The following RGS6 variants were observed in gnomAD, a reference collection of about 807,000 sequenced individuals.
RGS6 encodes regulator of G protein signaling 6, also known as regulator of G-protein signaling 6.
RGS6 carries 30 observed loss-of-function variants against 78.5 expected under a neutral mutation model. The ratio of observed to expected loss-of-function variants is 0.38; its 90% CI spans 0.29 to 0.52. The LOEUF is 0.52. RGS6 is among the 20% of genes least tolerant of loss of function. The pLI is 0.85. For missense variants in RGS6, 495 were observed against 609.7 expected (o/e 0.81, Z 1.98); for synonymous variants, 206 against 206.0 (o/e 1.00, Z 0.00).
At chr14:72,096,727 A>G (rs1253816838) in intron 2 of RGS6, among the ~76,000 whole-genome samples, 1 of 152,126 alleles carries the variant, frequency 6.6e-6, no homozygotes, top group Admixed American at 6.5e-5. Flanking sequence ...GAAGTTTCCA[A>G]GAGACCAGGG....
chr14:71,968,138 C>T (rs1204647758), intron 2 of RGS6, among the ~76,000 whole-genome samples: 1 of 152,084 alleles, frequency 6.6e-6, no homozygotes, highest in Admixed American at 6.6e-5. Context: ...TTTTTATATT[C>T]CTGTATCCTT....
chr14:72,517,224 C>T (rs11851372), intron 14 of RGS6, among the ~76,000 whole-genome samples: 14 of 152,180 alleles, frequency 9.2e-5, no homozygotes, highest in African/African-American at 3.1e-4. Context: ...TCCACCACGT[C>T]ATGTTTCAGC....
intron 1 of RGS6, among the ~76,000 whole-genome samples, chr14:71,954,968 G>A (rs1014475535): frequency 1.3e-5 from 2 of 152,114 alleles, no homozygotes; most frequent in Admixed American, 6.5e-5. Flanking sequence ...CTTTCACCAT[G>A]CGTTGTAATT....
At chr14:72,382,923 G>C (rs2086575198) in intron 3 of RGS6, among the ~76,000 whole-genome samples, 1 of 151,952 alleles carries the variant, frequency 6.6e-6, no homozygotes, top group African/African-American at 2.4e-5. Flanking sequence ...ATACATACTT[G>C]AAAAGGAGGA....
At chr14:71,949,780 A>ATTTTTT (rs3053024) in intron 1 of RGS6, among the ~76,000 whole-genome samples, 5 of 128,894 alleles carry the variant, frequency 3.9e-5, no homozygotes, top group African/African-American at 8.6e-5. Flanking sequence ...TAGAAGCTCT[A>ATTTTTT]TTTTTTTTTT....
At chr14:72,475,834 A>ACGCG (rs1566938333) in intron 10 of RGS6, among the ~76,000 whole-genome samples, 3 of 151,160 alleles carry the variant, frequency 2.0e-5, no homozygotes, top group African/African-American at 7.3e-5. Flanking sequence ...ATACACGCAC[A>ACGCG]CACACACACA....
intron 12 of RGS6, among the ~76,000 whole-genome samples, chr14:72,487,243 A>G (rs2096504808): frequency 6.6e-6 from 1 of 152,190 alleles, no homozygotes; most frequent in Non-Finnish European, 1.5e-5. Flanking sequence ...GCCATTATGC[A>G]CCTTTTATCT....
chr14:72,383,801 G>T (rs182893045), intron 3 of RGS6, among the ~76,000 whole-genome samples: 2 of 152,048 alleles, frequency 1.3e-5, no homozygotes, highest in African/African-American at 4.8e-5. Context: ...CTTTCAAAGG[G>T]TGGGGGGGGA....
chr14:72,221,129 A>G (rs913774728), intron 2 of RGS6, among the ~76,000 whole-genome samples: 2 of 152,200 alleles, frequency 1.3e-5, no homozygotes, highest in African/African-American at 4.8e-5. Flanking sequence ...AGTGTGTCCC[A>G]GAGATTTAAT....
the RGS6 span, among the ~76,000 whole-genome samples, chr14:72,582,205 G>A: frequency 1.2e-3 from 178 of 152,122 alleles, no homozygotes; most frequent in African/African-American, 3.8e-3. Context: ...ACCATATTGG[G>A]GATCAAATTT....
At chr14:72,039,824 T>TTTTTTTTC (rs2092206586) in intron 2 of RGS6, among the ~76,000 whole-genome samples, 2 of 149,404 alleles carry the variant, frequency 1.3e-5, no homozygotes, top group Non-Finnish European at 3.0e-5. Context: ...TTTTTTTTTT[T>TTTTTTTTC]TTTTTTTTGG....
chr14:72,208,760 T>A (rs1379645576), intron 2 of RGS6, among the ~76,000 whole-genome samples: 1 of 152,146 alleles, frequency 6.6e-6, no homozygotes, highest in African/African-American at 2.4e-5. Flanking sequence ...CATAATAGGA[T>A]GGGAAAAGAA....
intron 13 of RGS6, among the ~76,000 whole-genome samples, chr14:72,496,507 C>G (rs1401445871): frequency 1.3e-5 from 2 of 152,200 alleles, no homozygotes; most frequent in Non-Finnish European, 2.9e-5. Context: ...AAGTTCCAAC[C>G]TAATTCCAAA....
chr14:72,456,777 G>A (rs7143912), intron 4 of RGS6, among the ~76,000 whole-genome samples: 109,408 of 151,862 alleles, frequency 0.72, 39,764 homozygotes, highest in East Asian at 0.98. Context: ...TGAAGCATAT[G>A]GACTTTAAAA....
intron 2 of RGS6, among the ~76,000 whole-genome samples, chr14:72,161,158 G>A (rs1449209473): frequency 3.9e-5 from 6 of 152,110 alleles, no homozygotes; most frequent in Non-Finnish European, 5.9e-5. Context: ...ACCAAACACC[G>A]CATGTTCTCA....
chr14:71,916,067 T>G, the RGS6 span, among the ~76,000 whole-genome samples: 1 of 152,220 alleles, frequency 6.6e-6, no homozygotes, highest in Non-Finnish European at 1.5e-5. Flanking sequence ...CACAGTCTGT[T>G]GTATTTTCTC....
intron 3 of RGS6, among the ~76,000 whole-genome samples, chr14:72,363,505 C>T (rs2081901042): frequency 6.6e-6 from 1 of 152,198 alleles, no homozygotes; most frequent in African/African-American, 2.4e-5. Context: ...TAGTAAATAG[C>T]AGGATCTGTT....
chr14:72,540,028 T>A lies in RGS6; in HGVS notation c.1369-13T>A. Reference sequence around the variant, plus strand: ...TGTATTTTTCTCCCTACCCTTTTTTTTTTTTCCTAAAGCCAGAAAGTGAGC... The same window carrying A: ...TGTATTTTTCTCCCTACCCTTTTTTATTTTTCCTAAAGCCAGAAAGTGAGC... On this transcript the variant is annotated splice_polypyrimidine_tract_variant and intron_variant, in intron 16 of 17. Transcript: ENST00000553525. 1 of 1,562,052 alleles carries A rather than the reference T, an allele frequency of 6.4e-7. No homozygotes were observed. The highest frequency in any genetic ancestry group is 8.6e-7 in the Non-Finnish European group (1 of 1,167,682).
intron 2 of RGS6, among the ~76,000 whole-genome samples, chr14:72,290,216 G>A (rs577296681): frequency 2.6e-4 from 40 of 152,170 alleles, no homozygotes; most frequent in Non-Finnish European, 4.4e-4. Context: ...GAGTTCAAGC[G>A]TTACACCCAG....
Sources: gnomAD v4.1 joint callset for allele counts (sites outside exome capture counted in the v4.1 genomes callset) on GRCh38, gnomAD v4.1.1 for gene constraint, MANE v1.5 for transcripts, NCBI Gene and HGNC (gene_info 2026-07-23, HGNC 2026-07-21) for gene names.